Variants in TLR1 observed in about 807,000 individuals in gnomAD.
The protein encoded by TLR1 is toll-like receptor 1.
Under a neutral mutation model 20.2 loss-of-function variants are expected in TLR1, and 19 were observed. The observed-to-expected ratio is 0.94, with a 90% CI of 0.66 to 1.38. TLR1 has a LOEUF of 1.38. Ranked by LOEUF, TLR1 falls within the 40% of genes most tolerant of loss-of-function variation. The pLI, the probability that TLR1 is intolerant of heterozygous loss-of-function variation, is 0.00. For missense variants in TLR1, 921 were observed against 910.0 expected (o/e 1.01, Z -0.16); for synonymous variants, 320 against 334.5 (o/e 0.96, Z 0.47).
chr4:38,803,873 C>T (rs1356150838), intron 2 of TLR1, among the ~76,000 whole-genome samples: 1 of 152,198 alleles, frequency 6.6e-6, no homozygotes, highest in Non-Finnish European at 1.5e-5. Flanking sequence ...TTTAGCCTCA[C>T]ATTATATGAT....
downstream of TLR1, among the ~76,000 whole-genome samples, chr4:38,791,880 GAGA>G (rs373038241): frequency 1.5e-4 from 23 of 152,290 alleles, no homozygotes; most frequent in African/African-American, 5.5e-4. Context: ...TAATAAAGCA[GAGA>G]AGGAGTACAT....
chr4:38,795,857 T>G (rs1216902454), downstream of TLR1, among the ~76,000 whole-genome samples: 1 of 152,208 alleles, frequency 6.6e-6, no homozygotes, highest in African/African-American at 2.4e-5. Flanking sequence ...TTTTTTGATT[T>G]ATCTCAAAAA....
intron 2 of TLR1, among the ~76,000 whole-genome samples, chr4:38,802,903 G>A (rs931448765): frequency 6.6e-6 from 1 of 152,164 alleles, no homozygotes; most frequent in Non-Finnish European, 1.5e-5. Flanking sequence ...TCCGTAAATG[G>A]TATAATTGCC....
At chr4:38,789,250 A>G (rs1725663954), downstream of TLR1, among the ~76,000 whole-genome samples, 1 of 152,252 alleles carries the variant, frequency 6.6e-6, no homozygotes, top group Non-Finnish European at 1.5e-5. Flanking sequence ...AGGAGTATTT[A>G]CACCATAAAA....
chr4:38,793,211 T>G (rs1453682115), downstream of TLR1, among the ~76,000 whole-genome samples: 3 of 152,148 alleles, frequency 2.0e-5, no homozygotes, highest in Non-Finnish European at 4.4e-5. Context: ...GCTTCAACAG[T>G]ACCACTTGGA....
downstream of TLR1, among the ~76,000 whole-genome samples, chr4:38,787,656 A>C (rs1413039853): frequency 6.6e-6 from 1 of 152,164 alleles, no homozygotes; most frequent in Admixed American, 6.5e-5. Flanking sequence ...AAAAATTACT[A>C]GCAAGATATT....
At chr4:38,801,138 T>A (rs558871255) in intron 2 of TLR1, among the ~76,000 whole-genome samples, 190 bp from the exon 3 acceptor site, 130 of 152,362 alleles carry the variant, frequency 8.5e-4, no homozygotes, top group African/African-American at 3.1e-3. Flanking sequence ...TTGTGCCCTG[T>A]GAAATTCTTA....
intron 2 of TLR1, among the ~76,000 whole-genome samples, chr4:38,801,630 G>A (rs1382487913): frequency 3.3e-5 from 5 of 152,204 alleles, no homozygotes; most frequent in African/African-American, 4.8e-5. Flanking sequence ...GCAGTGATCA[G>A]CACAGTCAGG....
upstream of TLR1, chr4:38,805,495 A>G (rs1726956782): frequency 6.6e-6 from 1 of 152,208 alleles, no homozygotes. Context: ...TGTTCAAGGA[A>G]GACATTCTGA....
chr4:38,797,888 G>A lies in TLR1; in HGVS notation c.944C>T (p.Pro315Leu), dbSNP rs5743613. Residue 315 changes from proline (P) to leucine (L), a missense_variant, in exon 4 of 4, where the codon CCG becomes CTG. Coordinates refer to ENST00000308979, the MANE Select transcript of TLR1 (RefSeq NM_003263.4). ...AAAGATTTCATAGATATAACTTTGC[G>A]GAAAACCGAACACATCGCTGACAAC... ...HQVVSDVFGF[P>L]QSYIYEIFSN... The A allele has an allele frequency of 8.6e-4, 1,392 of 1,613,958 alleles. 2 individuals are homozygous for A. In the African/African-American group the frequency reaches 0.013, roughly 15 times the overall value.
Position 38,798,579 on chromosome 4 carries a change from C to T in TLR1, c.253G>A (p.Asp85Asn). The T allele has an allele frequency of 6.2e-7, 1 of 1,614,076 alleles. No individual in the cohort carries two copies. The highest frequency in any genetic ancestry group is 8.5e-7 in the Non-Finnish European group (1 of 1,180,012). ...TGGTTGAATTTGAAAACACTGATAT[C>T]AAGATACTGGATTCTATTATGAGAA... ...IISHNRIQYL[D>N]ISVFKFNQEL... is the part of the protein sequence containing the mutation. The change falls in exon 4 of 4, where the codon GAT becomes AAT. Residue 85 changes from aspartate to asparagine, a missense_variant. Coordinates refer to ENST00000308979, the MANE Select transcript of TLR1 (RefSeq NM_003263.4).
chr4:38,795,332 G>T (rs1725969898), downstream of TLR1, among the ~76,000 whole-genome samples: 3 of 152,172 alleles, frequency 2.0e-5, no homozygotes, highest in Admixed American at 1.3e-4. Context: ...GACTACACCT[G>T]CCCAGAGCTG....
Position 38,796,442 on chromosome 4 carries a change from G to A in TLR1, c.*29C>T, listed in dbSNP as rs1160388774. 1 of 1,592,648 alleles carries A rather than the reference G, an allele frequency of 6.3e-7. No homozygotes were observed. ...ACTTCCAAAAGCAGCAATATCAACA[G>A]GAGGAATATTTTTCACTTGATGTGT... On this transcript the variant is annotated 3_prime_UTR_variant, in exon 4 of 4. Coordinates refer to ENST00000308979, the MANE Select transcript of TLR1 (RefSeq NM_003263.4).
chr4:38,803,978 A>G (rs1239099795), intron 2 of TLR1, among the ~76,000 whole-genome samples: 2 of 152,198 alleles, frequency 1.3e-5, no homozygotes, highest in African/African-American at 4.8e-5. Flanking sequence ...TACCCATACA[A>G]TCTATCTGGC....
rs372216793 is a variant in TLR1 at position 38,798,204 on chromosome 4, C to T, written c.628G>A (p.Val210Ile). 6.2e-7 allele frequency: 1 copy of T among 1,614,016 alleles called. No homozygotes were observed. Among genetic ancestry groups the T allele is most frequent in the African/African-American group, 1.3e-5 (1 of 75,046 alleles). ...AGTTCCAGATTTGCTACAGTCTTGA[C>T]TGACACATCCAAAATAAAATGGAAT... ...KEFHFILDVS[V>I]KTVANLELSN... Residue 210 changes from valine to isoleucine, a missense_variant, in exon 4 of 4, where the codon GTC (valine) becomes ATC (isoleucine). Val to Ile is a conservative substitution (Grantham distance 29, BLOSUM62 3). Transcript: ENST00000308979.
Position 38,798,772 on chromosome 4 carries a change from T to C in TLR1, c.60A>G (p.Gln20=), listed in dbSNP as rs770900725. ...CTAAAAATTCACTTTCTTCAGATAA[T>C]TGTATTCTGATCTGAAGTATTAACA... ...IFMLILQIRI[Q]LSEESEFLVD... is the part of the protein sequence containing the mutation. Residue 20 remains glutamine, a synonymous_variant, in exon 4 of 4, where the codon CAA becomes CAG. Transcript: ENST00000308979. The C allele has an allele frequency of 6.2e-6, 10 of 1,611,790 alleles. No individual in the cohort carries two copies. The South Asian group carries it at 7.7e-5, about 12-fold the overall frequency.
At position 38,797,854 on chromosome 4, in the gene TLR1, C is replaced by A. The variant is rs765179952; in HGVS notation, c.978G>T (p.Met326Ile). The change falls in exon 4 of 4, where the codon ATG becomes ATT. Residue 326 changes from methionine to isoleucine, a missense_variant. Coordinates refer to ENST00000308979, the MANE Select transcript of TLR1 (RefSeq NM_003263.4). ...CAGACACTGTGAAATTTTTGATGTT[C>A]ATATTCGAAAAGATTTCATAGATAT... is the stretch of plus-strand genomic sequence containing the variant. ...QSYIYEIFSN[M>I]NIKNFTVSGT... The A allele has an allele frequency of 6.2e-7, 1 of 1,613,854 alleles. No individual in the cohort carries two copies. The highest frequency in any genetic ancestry group is 8.5e-7 in the Non-Finnish European group (1 of 1,179,882).
At chr4:38,800,485 T>C (rs1726559977) in intron 3 of TLR1, 1 of 152,252 alleles carries the variant, frequency 6.6e-6, no homozygotes, top group Non-Finnish European at 1.5e-5. Flanking sequence ...ATGCCTATTG[T>C]ACCAGTATTC....
At chr4:38,792,165 T>C (rs2109335939), downstream of TLR1, among the ~76,000 whole-genome samples, 1 of 152,350 alleles carries the variant, frequency 6.6e-6, no homozygotes. Context: ...TTTTCTCTTC[T>C]ACAGAGAAAT....
Sources: allele counts gnomAD v4.1 joint callset (sites outside exome capture counted in the v4.1 genomes callset), GRCh38; gene constraint gnomAD v4.1.1; transcripts MANE v1.5; gene names NCBI Gene and HGNC (gene_info 2026-07-23, HGNC 2026-07-21).